Variants in LIMD2 observed in about 807,000 individuals in gnomAD.
LIMD2 encodes LIM domain containing 2, also known as LIM domain-containing protein 2.
LIMD2 carries 11 observed loss-of-function variants against 16.0 expected under a neutral mutation model. The ratio of observed to expected loss-of-function variants is 0.69; its 90% CI spans 0.43 to 1.14. The LOEUF is 1.14. Ranked by LOEUF, LIMD2 falls within the 50% of genes most tolerant of loss-of-function variation. The pLI, the probability that LIMD2 is intolerant of heterozygous loss-of-function variation, is 0.00. For synonymous variants in LIMD2, 60 were observed against 67.1 expected (o/e 0.89, Z 0.52); for missense variants, 168 against 165.8 (o/e 1.01, Z -0.07).
rs982625723 is a variant in LIMD2, at chr17:63,697,870, A to T, written c.*682T>A. On this transcript the variant is annotated 3_prime_UTR_variant, in exon 5 of 5. Transcript: ENST00000259006. ...GTTGGTCACAACAGGATGGGCACAA[A>T]TGGGAGCGGGGGAGGGGAGTGGGGC... The T allele has an allele frequency of 6.5e-6, 1 of 152,922 alleles. No homozygotes were observed. The highest frequency in any genetic ancestry group is 1.5e-5 in the Non-Finnish European group (1 of 68,606). The allele number at this position is 152,922 out of a possible 1,614,324, so 9.5% of individuals were successfully genotyped here.
At position 63,698,893 on chromosome 17, in the gene LIMD2, G is replaced by C; in HGVS notation, c.130C>G (p.Gln44Glu). The C allele has an allele frequency of 6.2e-7, 1 of 1,612,826 alleles. No homozygotes were observed. Among genetic ancestry groups the C allele is most frequent in the Non-Finnish European group, 8.5e-7 (1 of 1,179,940 alleles). The change falls in exon 4 of 5, where the codon CAG becomes GAG. Residue 44 changes from glutamine (Q) to glutamate (E), a missense_variant. Gln to Glu is a conservative substitution (Grantham distance 29, BLOSUM62 2). Transcript: ENST00000259006. ...AQVKETCAAC[Q>E]KTVYPMERLV... ...CGCTCCATGGGGTACACGGTCTTCTGGCAGGCGGCGCAGGTCTCCTTCACC... is the reference window on the plus strand; with the variant it reads ...CGCTCCATGGGGTACACGGTCTTCTCGCAGGCGGCGCAGGTCTCCTTCACC...
In LIMD2 at chr17:63,698,802, A is replaced by C. The variant is rs747970544; in HGVS notation, c.221T>G (p.Leu74Arg). The change falls in exon 4 of 5, where the codon CTC (leucine) becomes CGC (arginine). Residue 74 changes from leucine to arginine, a missense_variant. Physicochemically the swap from Leu to Arg is moderately radical, Grantham distance 102 (BLOSUM62 -2). Transcript: ENST00000259006. ...CFCCKHCHTK[L>R]SLGSYAALHG... is the part of the protein sequence containing the mutation. Reference sequence around the variant, plus strand: ...GGCGGGCAGGGCAGGGGCGCACCTGAGCTTGGTGTGACAGTGCTTGCAGCA... The same window carrying C: ...GGCGGGCAGGGCAGGGGCGCACCTGCGCTTGGTGTGACAGTGCTTGCAGCA... 3.1e-6 allele frequency: 5 copies of C among 1,611,162 alleles called. No individual in the cohort carries two copies. The highest frequency in any genetic ancestry group is 4.2e-6 in the Non-Finnish European group (5 of 1,179,550).
rs2035736045 is a variant in LIMD2 at position 63,698,841 on chromosome 17, T to A, written c.182A>T (p.His61Leu). The A allele has an allele frequency of 6.2e-7, 1 of 1,611,962 alleles. No homozygotes were observed. Among genetic ancestry groups the A allele is most frequent in the Non-Finnish European group, 8.5e-7 (1 of 1,179,768 alleles). Residue 61 changes from histidine to leucine, a missense_variant, in exon 4 of 5, where the codon CAC (histidine) becomes CTC (leucine). Coordinates refer to ENST00000259006, the MANE Select transcript of LIMD2 (RefSeq NM_030576.4). Reference protein sequence around the residue: ...ERLVADKLIFHNSCFCCKHCH... With the variant: ...ERLVADKLIFLNSCFCCKHCH... ...GTGCTTGCAGCAGAAGCAAGAGTTG[T>A]GGAAAATGAGCTTGTCGGCCACCAG...
rs1384437745 is a variant in LIMD2, at chr17:63,696,576, C to T, written c.*1976G>A. On this transcript the variant is annotated 3_prime_UTR_variant, in exon 5 of 5. Transcript: ENST00000259006. ...AGGGTGGCACTGCTGGCCCTCACAA[C>T]CTGAACGTCACCAGTGGCTGAGTTC... 1 of 152,288 alleles carries T rather than the reference C, an allele frequency of 6.6e-6. No individual in the cohort carries two copies. The highest frequency in any genetic ancestry group is 1.5e-5 in the Non-Finnish European group (1 of 68,120). The allele number at this position is 152,288 out of a possible 1,614,324, so 9.4% of individuals were successfully genotyped here.
In LIMD2 at chr17:63,699,902, G is replaced by C. The variant is rs1343170002; in HGVS notation, c.-51+130C>G. The C allele has an allele frequency of 6.5e-5, 64 of 983,994 alleles. 1 individual carries two copies. Among genetic ancestry groups the C allele is most frequent in the South Asian group, 6.1e-4 (13 of 21,292 alleles). The allele number at this position is 983,994 out of a possible 1,614,324, so 61.0% of individuals were successfully genotyped here. On this transcript the variant is annotated intron_variant, in intron 1 of 4. Coordinates refer to ENST00000259006, the MANE Select transcript of LIMD2 (RefSeq NM_030576.4). The stretch of plus-strand genomic sequence containing the variant: ...GGGGCCGGCCCTGAAACGAGGACTC[G>C]AGCCTGTGCGCCCCGGGCGAGAGCG...
At position 63,697,504 on chromosome 17, in the gene LIMD2, C is replaced by G. The variant is rs2035709999; in HGVS notation, c.*1048G>C. On this transcript the variant is annotated 3_prime_UTR_variant, in exon 5 of 5. Coordinates refer to ENST00000259006, the MANE Select transcript of LIMD2 (RefSeq NM_030576.4). Reference sequence around the variant, plus strand: ...GCCATCACCCACTGGCAGCCTGGCCCTCCCGCTCTCAGGCCTCTTCACAAT... The same window carrying G: ...GCCATCACCCACTGGCAGCCTGGCCGTCCCGCTCTCAGGCCTCTTCACAAT... The G allele has an allele frequency of 6.6e-6, 1 of 152,178 alleles. No individual in the cohort carries two copies. Among genetic ancestry groups the G allele is most frequent in the African/African-American group, 2.4e-5 (1 of 41,422 alleles). The allele number at this position is 152,178 out of a possible 1,614,324, so 9.4% of individuals were successfully genotyped here. A position where few individuals can be genotyped will look rare whatever the true frequency, so the allele number is the denominator to read the frequency against.
rs1568162280 is a variant in LIMD2, at chr17:63,698,513, CCAGGCCTTCCG to C, written c.*28_*38del. 6.2e-7 allele frequency: 1 copy of C among 1,605,514 alleles called. No individual in the cohort carries two copies. The highest frequency in any genetic ancestry group is 1.7e-5 in the Admixed American group (1 of 59,170). ...CCTTCCCACCTTCCCCCTGCCGGCT[CCAGGCCTTCCG>C]CAGAGGGGGTGGAAGGTTACAGAGG... On this transcript the variant is annotated 3_prime_UTR_variant, in exon 5 of 5. Transcript: ENST00000259006.
In LIMD2 at chr17:63,698,439, A is replaced by T. The variant is rs2035725911; in HGVS notation, c.*113T>A. 2 of 1,238,382 alleles carry T rather than the reference A, an allele frequency of 1.6e-6. No homozygotes were observed. The highest frequency in any genetic ancestry group is 2.2e-6 in the Non-Finnish European group (2 of 901,282). 76.7% of individuals were successfully genotyped at this position (1,238,382 alleles called of 1,614,324 possible). A position where few individuals can be genotyped will look rare whatever the true frequency, so the allele number is the denominator to read the frequency against. On this transcript the variant is annotated 3_prime_UTR_variant, in exon 5 of 5. Coordinates refer to ENST00000259006, the MANE Select transcript of LIMD2 (RefSeq NM_030576.4). ...CTGCCCTGGTCCCCTACGCCTGAGC[A>T]AGCCTCATCCCCTTCCCACCTGGCC...
chr17:63,700,342 G>A (rs1475426420), upstream of LIMD2: 2 of 225,840 alleles, frequency 8.9e-6, no homozygotes, highest in Non-Finnish European at 1.5e-5. This position sits in a 1 kb window ranked among gnomAD's most constrained non-coding sequence, Gnocchi z 7.1. Context: ...GCGCCCCGCG[G>A]GCCTCGCGCT....
chr17:63,698,358 C>T lies in LIMD2; in HGVS notation c.*194G>A, dbSNP rs2035724282. ...GGTGGGCAGACCCCAATCCTGGTTT[C>T]CAAACCCTCACCGGCTGCGGGAGAA... On this transcript the variant is annotated 3_prime_UTR_variant, in exon 5 of 5. Transcript: ENST00000259006. The T allele has an allele frequency of 1.4e-6, 1 of 695,584 alleles. No homozygotes were observed. Among genetic ancestry groups the T allele is most frequent in the African/African-American group, 1.8e-5 (1 of 55,548 alleles). 43.1% of individuals were successfully genotyped at this position (695,584 alleles called of 1,614,324 possible). A position where few individuals can be genotyped will look rare whatever the true frequency, so the allele number is the denominator to read the frequency against.
At position 63,698,647 on chromosome 17, in the gene LIMD2, T is replaced by TA. The variant is rs1404987987; in HGVS notation, c.288dup (p.Lys97Ter). ...CCCTCGTCGTAGTTGCCTTTGCTCT[T>TA]AAACAGCTGCTGGAAGTGGGGTTTG... On this transcript the variant is annotated frameshift_variant, in exon 5 of 5. Coordinates refer to ENST00000259006, the MANE Select transcript of LIMD2 (RefSeq NM_030576.4). LOFTEE classifies it high-confidence loss of function. 3 of 1,613,854 alleles carry TA rather than the reference T, an allele frequency of 1.9e-6. No individual in the cohort carries two copies. The highest frequency in any genetic ancestry group is 2.5e-6 in the Non-Finnish European group (3 of 1,180,018).
In LIMD2 at chr17:63,697,044, CTG is replaced by C. The variant is rs1057381094; in HGVS notation, c.*1506_*1507del. 1 of 152,254 alleles carries C rather than the reference CTG, an allele frequency of 6.6e-6. No individual in the cohort carries two copies. The highest frequency in any genetic ancestry group is 2.4e-5 in the African/African-American group (1 of 41,444). 9.4% of individuals were successfully genotyped at this position (152,254 alleles called of 1,614,324 possible). ...GTCTCTGTTCTCATCGATCCCATGT[CTG>C]GAGACATCAGGAAGTTGAATCTGGA... On this transcript the variant is annotated 3_prime_UTR_variant, in exon 5 of 5. Coordinates refer to ENST00000259006, the MANE Select transcript of LIMD2 (RefSeq NM_030576.4).
chr17:63,698,804 C>G lies in LIMD2; in HGVS notation c.219G>C (p.Lys73Asn), dbSNP rs755717333. Reference protein sequence around the residue: ...SCFCCKHCHTKLSLGSYAALH... With the variant: ...SCFCCKHCHTNLSLGSYAALH... ...CGGGCAGGGCAGGGGCGCACCTGAG[C>G]TTGGTGTGACAGTGCTTGCAGCAGA... The change falls in exon 4 of 5, where the codon AAG (lysine) becomes AAC (asparagine). Residue 73 changes from lysine (K) to asparagine (N), a missense_variant. Lys to Asn is a moderately conservative substitution (Grantham distance 94). Coordinates refer to ENST00000259006, the MANE Select transcript of LIMD2 (RefSeq NM_030576.4). 2 of 1,612,098 alleles carry G rather than the reference C, an allele frequency of 1.2e-6. No homozygotes were observed. The highest frequency in any genetic ancestry group is 1.7e-5 in the Admixed American group (1 of 59,970).
rs2035763400 is a variant in LIMD2, at chr17:63,700,112, CG to C, written c.-132del. ...GGAGGGCGCGGGCGCGAGCTGCTGC[CG>C]CTACCAGTGGTCCCCGAGCCACCGC... is the stretch of plus-strand genomic sequence containing the variant. On this transcript the variant is annotated 5_prime_UTR_variant, in exon 1 of 5. Transcript: ENST00000259006. The surrounding 1 kb of genome is among the most constrained non-coding windows in gnomAD (Gnocchi z 7.1). 1 of 984,884 alleles carries C rather than the reference CG, an allele frequency of 1.0e-6. No homozygotes were observed. Among genetic ancestry groups the C allele is most frequent in the African/African-American group, 1.8e-5 (1 of 56,944 alleles). The allele number at this position is 984,884 out of a possible 1,614,324, so 61.0% of individuals were successfully genotyped here. A position where few individuals can be genotyped will look rare whatever the true frequency, so the allele number is the denominator to read the frequency against.
Position 63,699,263 on chromosome 17 carries a change from G to C in LIMD2, c.36C>G (p.Pro12=), listed in dbSNP as rs559592229. The C allele has an allele frequency of 2.9e-5, 47 of 1,611,574 alleles. No individual in the cohort carries two copies. In the South Asian group the frequency reaches 5.0e-4, roughly 17 times the overall value. The change falls in exon 2 of 5, where the codon CCC becomes CCG. Residue 12 remains proline, a synonymous_variant. Coordinates refer to ENST00000259006, the MANE Select transcript of LIMD2 (RefSeq NM_030576.4). ...FQAAGAAQAT[P]SHDAKGGGSS... is the part of the protein sequence containing the mutation. ...CACCCAGCCGGGCACTTACATGAGA[G>C]GGGGTGGCCTGGGCGGCTCCTGCAG...
intron 1 of LIMD2, 171 bp downstream of exon 1, chr17:63,699,861 C>A: frequency 1.3e-5 from 13 of 984,082 alleles, no homozygotes; most frequent in Non-Finnish European, 1.4e-5. Context: ...CAGCGGGTCT[C>A]GGCTCCGCCC....
chr17:63,699,792 C>T lies in LIMD2; in HGVS notation c.-51+240G>A, dbSNP rs573070308. 2.2e-4 allele frequency: 148 copies of T among 686,234 alleles called. 2 individuals are homozygous for T. The African/African-American group carries it at 2.8e-3, about 13-fold the overall frequency. 42.5% of individuals were successfully genotyped at this position (686,234 alleles called of 1,614,324 possible). The stretch of plus-strand genomic sequence containing the variant: ...CGAGGTCCCCGCCCGCCCCGCCCCT[C>T]GGCCCCCGACCTGGCCCCGCGAGGA... On this transcript the variant is annotated intron_variant, in intron 1 of 4. Coordinates refer to ENST00000259006, the MANE Select transcript of LIMD2 (RefSeq NM_030576.4).
Position 63,699,018 on chromosome 17 carries a change from A to C in LIMD2, c.84+10T>G, listed in dbSNP as rs764186933. On this transcript the variant is annotated intron_variant, in intron 3 of 4. Coordinates refer to ENST00000259006, the MANE Select transcript of LIMD2 (RefSeq NM_030576.4). The stretch of plus-strand genomic sequence containing the variant: ...CCCCTCCTCCCGCACACCCGGCCCC[A>C]GGCCCCTACCTTGGAGCGCTGCACC... 2.1e-5 allele frequency: 33 copies of C among 1,609,610 alleles called. No individual in the cohort carries two copies. Among genetic ancestry groups the C allele is most frequent in the Non-Finnish European group, 2.7e-5 (32 of 1,178,392 alleles).
In LIMD2 at chr17:63,698,216, G is replaced by A; in HGVS notation, c.*336C>T. ...GAGGGAGCTTGGGACCCTGAGGGGGGCATGCTGACTCCTTGCTGGAGAAAA... is the reference window on the plus strand; with the variant it reads ...GAGGGAGCTTGGGACCCTGAGGGGGACATGCTGACTCCTTGCTGGAGAAAA... On this transcript the variant is annotated 3_prime_UTR_variant, in exon 5 of 5. Coordinates refer to ENST00000259006, the MANE Select transcript of LIMD2 (RefSeq NM_030576.4). 3.2e-6 allele frequency: 1 copy of A among 316,646 alleles called. No individual in the cohort carries two copies. The highest frequency in any genetic ancestry group is 6.0e-6 in the Non-Finnish European group (1 of 166,536). 19.6% of individuals were successfully genotyped at this position (316,646 alleles called of 1,614,324 possible). A position where few individuals can be genotyped will look rare whatever the true frequency, so the allele number is the denominator to read the frequency against.
Sources: gnomAD v4.1 joint callset for allele counts on GRCh38, gnomAD v4.1.1 for gene constraint, Gnocchi (gnomAD v3.1) non-coding constraint, MANE v1.5 for transcripts, NCBI Gene and HGNC (gene_info 2026-07-23, HGNC 2026-07-21) for gene names.